Variants in CAST observed in about 807,000 individuals in gnomAD.
The protein encoded by CAST is MIR583 host.
Under a neutral mutation model 119.6 loss-of-function variants are expected in CAST, and 76 were observed. The ratio of observed to expected loss-of-function variants is 0.64; its 90% CI spans 0.53 to 0.77. The LOEUF (loss-of-function observed/expected upper bound fraction) is 0.77, where lower values mean the gene tolerates loss of function less well. Among genes scored for constraint, CAST ranks in the 30% least tolerant of loss-of-function variants. The pLI is 0.00. For missense variants in CAST, 953 were observed against 946.5 expected, an observed-to-expected ratio of 1.01 and a Z score of -0.09; for synonymous variants, 319 against 331.6, an observed-to-expected ratio of 0.96 and a Z score of 0.41.
the CAST span, among the ~76,000 whole-genome samples, chr5:96,215,676 C>G: frequency 1.3e-5 from 2 of 152,168 alleles, no homozygotes; most frequent in South Asian, 4.1e-4. Context: ...ACTCATGAGT[C>G]AGCAAGACCA....
the CAST span, among the ~76,000 whole-genome samples, chr5:96,181,060 A>T: frequency 6.6e-6 from 1 of 152,162 alleles, no homozygotes; most frequent in East Asian, 1.9e-4. Context: ...AAACCATTTT[A>T]TGGCAGATAT....
chr5:96,747,343 A>T lies in CAST; in HGVS notation c.1285-2A>T, dbSNP rs1176595497. On this transcript the variant is annotated splice_acceptor_variant, in intron 17 of 31. Transcript: ENST00000675179. LOFTEE classifies it high-confidence loss of function. ...TCCAATGAATTTTAATTTCATTTAC[A>T]GGATAAAGATGGAAAACCACTATTG... 2 of 1,587,552 alleles carry T rather than the reference A, an allele frequency of 1.3e-6. No individual in the cohort carries two copies. The highest frequency in any genetic ancestry group is 1.7e-6 in the Non-Finnish European group (2 of 1,159,048).
the CAST span, among the ~76,000 whole-genome samples, chr5:96,307,119 T>C: frequency 6.6e-6 from 1 of 152,260 alleles, no homozygotes; most frequent in South Asian, 2.1e-4. Flanking sequence ...AGTTGCTTTA[T>C]GAATCTGGAT....
At chr5:96,544,032 TGTTG>T (rs549174592) in intron 1 of CAST, among the ~76,000 whole-genome samples, 79 of 152,344 alleles carry the variant, frequency 5.2e-4, no homozygotes, top group Non-Finnish European at 1.2e-4. Flanking sequence ...TTCAATGTTG[TGTTG>T]GCTATTCTGG....
chr5:96,292,428 G>A, the CAST span, among the ~76,000 whole-genome samples: 1 of 152,150 alleles, frequency 6.6e-6, no homozygotes, highest in African/African-American at 2.4e-5. Flanking sequence ...GTTATCTGTT[G>A]AATGCACAGG....
At chr5:96,292,338 A>G in the CAST span, among the ~76,000 whole-genome samples, 1 of 152,224 alleles carries the variant, frequency 6.6e-6, no homozygotes, top group Non-Finnish European at 1.5e-5. Flanking sequence ...TCAGTTGTAT[A>G]ACGTAAATAT....
the CAST span, among the ~76,000 whole-genome samples, chr5:96,285,633 T>C: frequency 2.0e-5 from 3 of 152,326 alleles, no homozygotes; most frequent in East Asian, 1.9e-4. Flanking sequence ...ATATCTAGGA[T>C]TTGAGTGTCT....
At chr5:96,469,415 G>T in the CAST span, among the ~76,000 whole-genome samples, 1 of 151,952 alleles carries the variant, frequency 6.6e-6, no homozygotes, top group East Asian at 1.9e-4. Flanking sequence ...AATATGAAGT[G>T]GTCTCCTTTC....
the CAST span, among the ~76,000 whole-genome samples, chr5:96,203,405 T>C: frequency 6.6e-6 from 1 of 152,038 alleles, no homozygotes; most frequent in African/African-American, 2.4e-5. Context: ...TATGTTCTTT[T>C]TCATAGAAAA....
At chr5:96,201,252 C>T in the CAST span, among the ~76,000 whole-genome samples, 2 of 152,026 alleles carry the variant, frequency 1.3e-5, no homozygotes. Flanking sequence ...TATTTAGCAA[C>T]TATGTGCTAA....
the CAST span, among the ~76,000 whole-genome samples, chr5:96,415,476 G>A: frequency 8.9e-4 from 136 of 152,186 alleles, no homozygotes; most frequent in African/African-American, 3.0e-3. Context: ...CTTGTAAATC[G>A]TTTCTTTATT....
chr5:96,565,029 AAAAT>A (rs1163177202), intron 1 of CAST, among the ~76,000 whole-genome samples: 21 of 152,132 alleles, frequency 1.4e-4, no homozygotes, highest in African/African-American at 4.3e-4. Flanking sequence ...TAGGTAGATC[AAAAT>A]AAATAAATAT....
intron 3 of CAST, among the ~76,000 whole-genome samples, chr5:96,697,475 T>G (rs26487): frequency 0.19 from 28,675 of 152,152 alleles, 2,798 homozygotes; most frequent in East Asian, 0.24. Context: ...CATGCCACTT[T>G]AAGACCCGTG....
intron 1 of CAST, among the ~76,000 whole-genome samples, chr5:96,614,282 G>A (rs764567225): frequency 5.9e-5 from 9 of 152,122 alleles, no homozygotes; most frequent in Non-Finnish European, 7.4e-5. Context: ...TGCCTGACTC[G>A]TTAGGTTATT....
At chr5:96,652,062 T>C (rs1174879202) in intron 1 of CAST, among the ~76,000 whole-genome samples, 2 of 152,320 alleles carry the variant, frequency 1.3e-5, no homozygotes, top group Middle Eastern at 3.4e-3. Context: ...CACTTACTGC[T>C]AAGGACCACA....
the CAST span, among the ~76,000 whole-genome samples, chr5:96,051,858 GATAC>G: frequency 6.6e-6 from 1 of 152,146 alleles, no homozygotes; most frequent in Non-Finnish European, 1.5e-5. Context: ...AGGAAGTACA[GATAC>G]ATACAACAAC....
At chr5:96,250,941 C>CAAGGTACAGAAAAGGTACAGAGGTACA in the CAST span, among the ~76,000 whole-genome samples, 1 of 151,652 alleles carries the variant, frequency 6.6e-6, no homozygotes, top group Non-Finnish European at 1.5e-5. Context: ...AATTCATGTA[C>CAAGGTACAGAAAAGGTACAGAGGTACA]AAGGTACAGA....
At chr5:96,376,972 G>A in the CAST span, among the ~76,000 whole-genome samples, 1 of 151,964 alleles carries the variant, frequency 6.6e-6, no homozygotes, top group Non-Finnish European at 1.5e-5. Context: ...GTAGGCCTAG[G>A]CTGTGTGTGT....
At chr5:96,289,912 G>T in the CAST span, among the ~76,000 whole-genome samples, 1 of 143,866 alleles carries the variant, frequency 7.0e-6, no homozygotes, top group East Asian at 2.1e-4. Flanking sequence ...ATATAATTTT[G>T]TTAAAAACTT....
Sources: allele counts gnomAD v4.1 joint callset (sites outside exome capture counted in the v4.1 genomes callset), GRCh38; gene constraint gnomAD v4.1.1; transcripts MANE v1.5; gene names NCBI Gene and HGNC (gene_info 2026-07-23, HGNC 2026-07-21).